The following LRP1B variants were observed in gnomAD, a reference collection of about 807,000 sequenced individuals.
LRP1B encodes the protein LDL receptor related protein 1B.
Under a neutral mutation model 556.6 loss-of-function variants are expected in LRP1B, and 217 were observed. That is an observed-to-expected ratio of 0.39 (90% CI 0.35 to 0.44). LRP1B has a LOEUF of 0.44. LRP1B is among the 20% of genes least tolerant of loss of function. The pLI is 1.00. For synonymous variants in LRP1B, 2,047 were observed against 1,865.8 expected, an observed-to-expected ratio of 1.10 and a Z score of -2.50; for missense variants, 5,053 against 5,620.8, an observed-to-expected ratio of 0.90 and a Z score of 3.23.
At chr2:141,104,227 G>T (rs925187521) in intron 7 of LRP1B, among the ~76,000 whole-genome samples, 1 of 151,920 alleles carries the variant, frequency 6.6e-6, no homozygotes, top group Non-Finnish European at 1.5e-5. Context: ...ATTTATTTAG[G>T]ATTATGGCAT....
At chr2:141,711,002 C>T (rs750131842) in intron 2 of LRP1B, among the ~76,000 whole-genome samples, 1 of 152,110 alleles carries the variant, frequency 6.6e-6, no homozygotes, top group Non-Finnish European at 1.5e-5. Flanking sequence ...ATATTTCTAG[C>T]CTTATGTATG....
At chr2:141,459,234 C>T (rs1287360335) in intron 3 of LRP1B, among the ~76,000 whole-genome samples, 1 of 152,124 alleles carries the variant, frequency 6.6e-6, no homozygotes, top group Non-Finnish European at 1.5e-5. Flanking sequence ...ATAAATCAAA[C>T]ACACACACGT....
chr2:141,810,652 T>C (rs1352119247), intron 1 of LRP1B, among the ~76,000 whole-genome samples: 1 of 152,134 alleles, frequency 6.6e-6, no homozygotes, highest in East Asian at 1.9e-4. Context: ...AAAAATTCTG[T>C]TCCTGTTCAT....
At chr2:141,006,070 C>T (rs1256229089) in intron 14 of LRP1B, among the ~76,000 whole-genome samples, 2 of 151,910 alleles carry the variant, frequency 1.3e-5, no homozygotes, top group Admixed American at 6.6e-5. Context: ...ATAAATTAAG[C>T]AGGCATGAGA....
At chr2:141,951,727 A>G (rs1316062127) in intron 1 of LRP1B, among the ~76,000 whole-genome samples, 1 of 152,174 alleles carries the variant, frequency 6.6e-6, no homozygotes, top group African/African-American at 2.4e-5. Context: ...ATTGGATTTT[A>G]TTCCATTTAT....
intron 3 of LRP1B, among the ~76,000 whole-genome samples, chr2:141,382,345 C>T (rs1689673301): frequency 6.6e-6 from 1 of 152,222 alleles, no homozygotes; most frequent in African/African-American, 2.4e-5. Context: ...CTCTGTGCCA[C>T]AGCAGATACT....
At chr2:140,825,880 T>C (rs1691485859) in intron 31 of LRP1B, among the ~76,000 whole-genome samples, 1 of 152,232 alleles carries the variant, frequency 6.6e-6, no homozygotes, top group Non-Finnish European at 1.5e-5. Flanking sequence ...TCAACATGGC[T>C]AGGCTGTGAT....
intron 7 of LRP1B, among the ~76,000 whole-genome samples, chr2:141,103,639 T>G (rs1700524312): frequency 6.6e-6 from 1 of 151,486 alleles, no homozygotes. Context: ...TAGACAACAT[T>G]TTTGAATCAC....
intron 43 of LRP1B, among the ~76,000 whole-genome samples, chr2:140,580,576 A>G (rs539471819): frequency 6.6e-6 from 1 of 152,298 alleles, no homozygotes; most frequent in East Asian, 1.9e-4. Flanking sequence ...AATTACTTTG[A>G]TTTTAAATGT....
chr2:140,246,870 G>T (rs565172340), intron 87 of LRP1B, among the ~76,000 whole-genome samples: 1 of 151,562 alleles, frequency 6.6e-6, no homozygotes, highest in Non-Finnish European at 1.5e-5. Flanking sequence ...CCCCAAATTT[G>T]GGATAAACTC....
At chr2:141,634,869 C>T (rs1689050763) in intron 2 of LRP1B, among the ~76,000 whole-genome samples, 1 of 151,780 alleles carries the variant, frequency 6.6e-6, no homozygotes, top group Admixed American at 6.6e-5. Flanking sequence ...TTCTCATTGA[C>T]AGTAGAGATA....
chr2:141,132,609 C>T (rs1191064455), intron 7 of LRP1B, among the ~76,000 whole-genome samples: 1 of 151,852 alleles, frequency 6.6e-6, no homozygotes, highest in Non-Finnish European at 1.5e-5. Flanking sequence ...AATCTCACTC[C>T]AAGCTATATA....
chr2:140,871,990 G>A (rs1693144168), intron 25 of LRP1B, among the ~76,000 whole-genome samples: 1 of 149,270 alleles, frequency 6.7e-6, no homozygotes, highest in Non-Finnish European at 1.5e-5. Flanking sequence ...GTTTGTATGT[G>A]TATGTGTCTA....
intron 1 of LRP1B, among the ~76,000 whole-genome samples, chr2:142,001,568 T>C (rs1271343896): frequency 3.3e-5 from 5 of 152,160 alleles, no homozygotes. Flanking sequence ...GCCACGCACA[T>C]TAATGGAGAC....
chr2:141,833,252 G>A (rs780211491), intron 1 of LRP1B, among the ~76,000 whole-genome samples: 4 of 151,582 alleles, frequency 2.6e-5, no homozygotes, highest in Non-Finnish European at 4.4e-5. Flanking sequence ...CTCTCTAAAC[G>A]TATTAAATGT....
At chr2:141,301,782 A>AT in intron 3 of LRP1B, among the ~76,000 whole-genome samples, 1 of 152,294 alleles carries the variant, frequency 6.6e-6, no homozygotes. Flanking sequence ...GTTTGCAGAC[A>AT]TGGAAGGAGC....
At position 140,813,824 on chromosome 2, in the gene LRP1B, A is replaced by C; in HGVS notation, c.5210-18T>G. ...CGATAGACCTGTAATTAAATTTTAC[A>C]ACTTAAACATAATGATAGCCACTTA... On this transcript the variant is annotated intron_variant, in intron 31 of 90. Transcript: ENST00000389484. The C allele has an allele frequency of 6.4e-7, 1 of 1,572,030 alleles. No homozygotes were observed. Among genetic ancestry groups the C allele is most frequent in the Non-Finnish European group, 8.7e-7 (1 of 1,148,918 alleles).
At chr2:140,994,964 T>C (rs911498793) in intron 15 of LRP1B, among the ~76,000 whole-genome samples, 6 of 151,970 alleles carry the variant, frequency 3.9e-5, no homozygotes, top group African/African-American at 1.2e-4. Flanking sequence ...AGTTGACATG[T>C]AAATTGGGTT....
intron 1 of LRP1B, among the ~76,000 whole-genome samples, chr2:142,093,552 C>G (rs1448227077): frequency 6.6e-6 from 1 of 151,952 alleles, no homozygotes; most frequent in Non-Finnish European, 1.5e-5. Flanking sequence ...CATCACATAT[C>G]CATTGAATGT....
Sources: gnomAD v4.1 joint callset for allele counts (sites outside exome capture counted in the v4.1 genomes callset) on GRCh38, gnomAD v4.1.1 for gene constraint, MANE v1.5 for transcripts, NCBI Gene and HGNC (gene_info 2026-07-23, HGNC 2026-07-21) for gene names.